The following NT5C2 variants were observed in gnomAD, a reference collection of about 807,000 sequenced individuals.
The protein encoded by NT5C2 is 5'-nucleotidase, cytosolic II.
In NT5C2, 58 loss-of-function variants were observed where a neutral mutation model predicts 76.1. The ratio of observed to expected loss-of-function variants is 0.76; its 90% CI spans 0.62 to 0.95. The LOEUF (loss-of-function observed/expected upper bound fraction) is 0.95. Ranked by LOEUF, NT5C2 falls within the 40% of genes least tolerant of loss-of-function variation. The probability of loss-of-function intolerance (pLI) is 0.00; values close to 1 mark genes in which losing one functional copy is unlikely to be tolerated. For missense variants in NT5C2, 478 were observed against 690.3 expected (o/e 0.69, Z 3.45); for synonymous variants, 229 against 237.4 (o/e 0.96, Z 0.32).
At chr10:103,109,942 G>A (rs1027982110) in intron 4 of NT5C2, among the ~76,000 whole-genome samples, 1 of 152,088 alleles carries the variant, frequency 6.6e-6, no homozygotes, top group African/African-American at 2.4e-5. Flanking sequence ...TTATTGGCAG[G>A]GCAGAATTTC....
intron 3 of NT5C2, among the ~76,000 whole-genome samples, chr10:103,174,604 A>T (rs1372147322): frequency 6.6e-6 from 1 of 151,794 alleles, no homozygotes; most frequent in Non-Finnish European, 1.5e-5. Context: ...AAGAAAAAAA[A>T]ATTTTTATTA....
intron 1 of NT5C2, among the ~76,000 whole-genome samples, chr10:103,181,840 A>G (rs1156474460): frequency 6.6e-6 from 1 of 151,662 alleles, no homozygotes; most frequent in African/African-American, 2.4e-5. Flanking sequence ...CCCTGTCTCT[A>G]CTAAAAACGG....
At chr10:103,106,102 C>G (rs182547807) in intron 5 of NT5C2, among the ~76,000 whole-genome samples, 21 of 152,252 alleles carry the variant, frequency 1.4e-4, no homozygotes, top group African/African-American at 4.8e-4. Flanking sequence ...AAAACATAGT[C>G]TTTTTTCTTG....
intron 1 of NT5C2, among the ~76,000 whole-genome samples, chr10:103,186,908 G>T (rs1187503202): frequency 7.7e-6 from 1 of 130,500 alleles, no homozygotes; most frequent in Non-Finnish European, 1.6e-5. Flanking sequence ...GCAAGACTCC[G>T]TCTCAAAAAA....
chr10:103,139,206 G>A (rs1029635220), intron 4 of NT5C2, among the ~76,000 whole-genome samples, 200 bp downstream of exon 4: 1 of 152,060 alleles, frequency 6.6e-6, no homozygotes, highest in East Asian at 1.9e-4. Flanking sequence ...CTATCTATGT[G>A]TACAAACTCA....
At chr10:103,121,770 AT>A (rs1278803349) in intron 4 of NT5C2, among the ~76,000 whole-genome samples, 1 of 152,216 alleles carries the variant, frequency 6.6e-6, no homozygotes. Context: ...GAGGCTAATG[AT>A]ATGGCCTAGA....
At chr10:103,183,711 T>C (rs1300979537) in intron 1 of NT5C2, among the ~76,000 whole-genome samples, 1 of 151,374 alleles carries the variant, frequency 6.6e-6, no homozygotes, top group African/African-American at 2.4e-5. Context: ...GGATGAGAAA[T>C]TACCTGATGA....
At chr10:103,115,109 A>T (rs529661521) in intron 4 of NT5C2, among the ~76,000 whole-genome samples, 30 of 152,304 alleles carry the variant, frequency 2.0e-4, no homozygotes, top group African/African-American at 7.2e-4. Context: ...TCATGTTGAA[A>T]ATAGCCTTTG....
chr10:103,175,173 A>G (rs2089513844), intron 2 of NT5C2, among the ~76,000 whole-genome samples, 191 bp from the exon 3 acceptor site: 1 of 152,160 alleles, frequency 6.6e-6, no homozygotes, highest in African/African-American at 2.4e-5. Flanking sequence ...TGGAAAAATA[A>G]TTTCATATGG....
intron 1 of NT5C2, among the ~76,000 whole-genome samples, chr10:103,191,868 G>A (rs549555005): frequency 6.6e-6 from 1 of 152,084 alleles, no homozygotes; most frequent in Non-Finnish European, 1.5e-5. Context: ...TCAGAAATAA[G>A]TCTGTGTATG....
intron 4 of NT5C2, among the ~76,000 whole-genome samples, chr10:103,109,633 A>C (rs190311090): frequency 6.6e-6 from 1 of 152,198 alleles, no homozygotes; most frequent in Non-Finnish European, 1.5e-5. Context: ...TCAGAAGGAC[A>C]ATTTGCTGGA....
Position 103,121,417 on chromosome 10 carries a change from AG to A in NT5C2, c.176-14712del, listed in dbSNP as rs535275475. Among the ~76,000 whole-genome samples the A allele has an allele frequency of 4.1e-3, 617 of 152,288 alleles. 4 individuals are homozygous for A. The highest frequency in any genetic ancestry group is 0.014 in the African/African-American group (572 of 41,552). ...CATTTAAGCACCTCCAATGCCAGTA[AG>A]TTTGGTGAGGATATACAATTGCTGA... On this transcript the variant is annotated intron_variant, in intron 4 of 18. Coordinates refer to ENST00000404739, the MANE Select transcript of NT5C2 (RefSeq NM_001351169.2).
intron 4 of NT5C2, among the ~76,000 whole-genome samples, chr10:103,136,058 G>T (rs1324107151): frequency 1.3e-5 from 2 of 152,158 alleles, no homozygotes; most frequent in Non-Finnish European, 2.9e-5. Context: ...TTGCACTCCA[G>T]CCTGGGAGAC....
chr10:103,090,818 T>G (rs1292204488), intron 17 of NT5C2, 31 bp from the exon 18 acceptor site: 1 of 1,610,156 alleles, frequency 6.2e-7, no homozygotes, highest in East Asian at 2.2e-5. Flanking sequence ...GATTCTTGGC[T>G]CATTCAACAA....
chr10:103,174,840 A>C lies in NT5C2; in HGVS notation c.101+18T>G. 7 of 1,555,848 alleles carry C rather than the reference A, an allele frequency of 4.5e-6. No individual in the cohort carries two copies. Among genetic ancestry groups the C allele is most frequent in the Non-Finnish European group, 4.4e-6 (5 of 1,128,078 alleles). Reference sequence around the variant, plus strand: ...CTTCATAGAGGGGTTTTGAGGATTAAATAGACAAAATACTTACCGATGATA... The same window carrying C: ...CTTCATAGAGGGGTTTTGAGGATTACATAGACAAAATACTTACCGATGATA... On this transcript the variant is annotated intron_variant, in intron 3 of 18. Transcript: ENST00000404739.
chr10:103,192,527 GAGA>G (rs1271920041), intron 1 of NT5C2, among the ~76,000 whole-genome samples: 15 of 152,378 alleles, frequency 9.8e-5, no homozygotes, highest in Admixed American at 5.2e-4. Context: ...CCGAAAAAAG[GAGA>G]AGAATAGGCC....
At chr10:103,092,496 T>C (rs188913704) in intron 15 of NT5C2, among the ~76,000 whole-genome samples, 2 of 152,378 alleles carry the variant, frequency 1.3e-5, no homozygotes, top group Admixed American at 6.5e-5. Context: ...TTTCAAGTTA[T>C]GGAGCCAGGG....
At chr10:103,105,530 A>T in intron 6 of NT5C2, 176 bp downstream of exon 6, 1 of 561,432 alleles carries the variant, frequency 1.8e-6, no homozygotes, top group Non-Finnish European at 3.1e-6. Context: ...TGCTAACTAT[A>T]TGTCAGTTTG....
chr10:103,092,889 A>G (rs1317207900), intron 15 of NT5C2, among the ~76,000 whole-genome samples: 1 of 141,070 alleles, frequency 7.1e-6, no homozygotes, highest in East Asian at 2.1e-4. Flanking sequence ...ACAACTCAAG[A>G]CGCCAACATT....
Sources: allele counts gnomAD v4.1 joint callset (sites outside exome capture counted in the v4.1 genomes callset), GRCh38; gene constraint gnomAD v4.1.1; transcripts MANE v1.5; gene names NCBI Gene and HGNC (gene_info 2026-07-23, HGNC 2026-07-21).